HTRA4: variants seen among roughly 807,000 people sequenced by gnomAD.
HTRA4 encodes the protein serine protease HTRA4.
Under a neutral mutation model 49.1 loss-of-function variants are expected in HTRA4, and 46 were observed. The observed-to-expected ratio is 0.94, with a 90% CI of 0.74 to 1.20. The LOEUF (loss-of-function observed/expected upper bound fraction) is 1.20. Among genes scored for constraint, HTRA4 ranks in the 50% most tolerant of loss-of-function variants. The pLI, the probability that HTRA4 is intolerant of heterozygous loss-of-function variation, is 0.00. For synonymous variants in HTRA4, 261 were observed against 264.0 expected, an observed-to-expected ratio of 0.99 and a Z score of 0.11; for missense variants, 602 against 636.9, an observed-to-expected ratio of 0.95 and a Z score of 0.59.
chr8:38,985,666 TC>T (rs762664714), intron 8 of HTRA4, among the ~76,000 whole-genome samples: 3 of 152,126 alleles, frequency 2.0e-5, no homozygotes, highest in Non-Finnish European at 4.4e-5. Flanking sequence ...GCTCCACTCT[TC>T]CCCCATTTCC....
intron 8 of HTRA4, 31 bp downstream of exon 8, chr8:38,983,079 C>G: frequency 1.4e-6 from 2 of 1,462,028 alleles, no homozygotes; most frequent in South Asian, 1.2e-5. Flanking sequence ...TGTCATCTAC[C>G]TTTGCTTTTT....
intron 5 of HTRA4, among the ~76,000 whole-genome samples, chr8:38,980,573 CAA>C (rs151157713): frequency 1.5e-4 from 20 of 137,756 alleles, no homozygotes; most frequent in African/African-American, 3.5e-4. Context: ...ACCTAACATA[CAA>C]AAAAAAAAAA....
intron 3 of HTRA4, among the ~76,000 whole-genome samples, chr8:38,977,538 GCACATTA>G (rs1835368408): frequency 6.6e-6 from 1 of 152,160 alleles, no homozygotes; most frequent in African/African-American, 2.4e-5. Context: ...TGATTTGCAT[GCACATTA>G]CAGTGTGAGA....
At chr8:38,981,077 T>TTTTTGTTTTTTTTTG (rs1564179018) in intron 5 of HTRA4, among the ~76,000 whole-genome samples, 1 of 105,168 alleles carries the variant, frequency 9.5e-6, no homozygotes, top group Non-Finnish European at 1.8e-5. Flanking sequence ...TTTTTTTTTT[T>TTTTTGTTTTTTTTTG]TTTTTTTTTT....
intron 7 of HTRA4, 91 bp downstream of exon 7, chr8:38,982,646 C>G (rs891546812): frequency 1.4e-5 from 17 of 1,204,770 alleles, no homozygotes; most frequent in Middle Eastern, 3.9e-4. Flanking sequence ...CCACTTGGAC[C>G]ACAGCCAGGT....
chr8:38,985,320 G>C (rs12676405), intron 8 of HTRA4, among the ~76,000 whole-genome samples: 61,460 of 151,898 alleles, frequency 0.4, 13,065 homozygotes, highest in East Asian at 0.75. Context: ...GCCACCACGC[G>C]CAGCTAATTT....
chr8:38,980,529 A>G (rs1190189803), intron 5 of HTRA4, among the ~76,000 whole-genome samples: 1 of 150,616 alleles, frequency 6.6e-6, no homozygotes, highest in Non-Finnish European at 1.5e-5. Context: ...GGAGTTCAAA[A>G]CCAGCCTGGC....
At chr8:38,979,020 G>A (rs1444604193) in intron 4 of HTRA4, among the ~76,000 whole-genome samples, 195 bp from the exon 5 acceptor site, 2 of 151,574 alleles carry the variant, frequency 1.3e-5, no homozygotes, top group African/African-American at 4.8e-5. Context: ...AATGAAGGTG[G>A]TGGTCCCACT....
At chr8:38,977,832 G>A in intron 3 of HTRA4, 121 bp from the exon 4 acceptor site, 2 of 969,542 alleles carry the variant, frequency 2.1e-6, no homozygotes, top group Non-Finnish European at 3.0e-6. Context: ...TTCTCAGGTG[G>A]TAAGGGCCAA....
intron 8 of HTRA4, among the ~76,000 whole-genome samples, chr8:38,987,498 G>A (rs1835497545): frequency 6.6e-6 from 1 of 152,094 alleles, no homozygotes; most frequent in South Asian, 2.1e-4. Context: ...GGGAAAGACA[G>A]GCAAGTGAGT....
In HTRA4 at chr8:38,974,624, C is replaced by T; in HGVS notation, c.361C>T (p.Arg121Cys). 3 of 1,426,148 alleles carry T rather than the reference C, an allele frequency of 2.1e-6. No homozygotes were observed. The highest frequency in any genetic ancestry group is 3.0e-5 in the Admixed American group (1 of 33,508). The allele number at this position is 1,426,148 out of a possible 1,614,324, so 88.3% of individuals were successfully genotyped here. ...LGGAVCGSDR[R>C]TYPSMCALRA... ...AGGGGCCGTGTGCGGCAGCGACAGGCGCACCTACCCCAGCATGTGCGCGCT... is the reference window on the plus strand; with the variant it reads ...AGGGGCCGTGTGCGGCAGCGACAGGTGCACCTACCCCAGCATGTGCGCGCT... The change falls in exon 1 of 9, where the codon CGC becomes TGC. Residue 121 changes from arginine (R) to cysteine (C), a missense_variant. Arg to Cys is a radical substitution (Grantham distance 180, BLOSUM62 -3). Transcript: ENST00000302495.
Position 38,988,188 on chromosome 8 carries a change from A to T in HTRA4, c.*90A>T. 1 of 1,222,910 alleles carries T rather than the reference A, an allele frequency of 8.2e-7. No individual in the cohort carries two copies. Among genetic ancestry groups the T allele is most frequent in the Admixed American group, 3.1e-5 (1 of 31,794 alleles). The allele number at this position is 1,222,910 out of a possible 1,614,324, so 75.8% of individuals were successfully genotyped here. A position where few individuals can be genotyped will look rare whatever the true frequency, so the allele number is the denominator to read the frequency against. Reference sequence around the variant, plus strand: ...TGGAGATGTGCCAAACATGGCAAGAAGTTTTTGGATCTTTTTCTTACAAAG... The same window carrying T: ...TGGAGATGTGCCAAACATGGCAAGATGTTTTTGGATCTTTTTCTTACAAAG... On this transcript the variant is annotated 3_prime_UTR_variant, in exon 9 of 9. Coordinates refer to ENST00000302495, the MANE Select transcript of HTRA4 (RefSeq NM_153692.4).
At position 38,974,380 on chromosome 8, in the gene HTRA4, C is replaced by T; in HGVS notation, c.117C>T (p.Ser39=). 1 of 1,583,318 alleles carries T rather than the reference C, an allele frequency of 6.3e-7. No homozygotes were observed. The highest frequency in any genetic ancestry group is 1.3e-5 in the African/African-American group (1 of 74,516). Residue 39 remains serine (S), a synonymous_variant, in exon 1 of 9, where the codon TCC becomes TCT. Coordinates refer to ENST00000302495, the MANE Select transcript of HTRA4 (RefSeq NM_153692.4). ...AGAEKLHTQP[S]CPAVCQPTRC... is the part of the protein sequence containing the mutation. The stretch of plus-strand genomic sequence containing the variant: ...CTGAAAAGCTACATACCCAGCCCTC[C>T]TGCCCCGCGGTCTGCCAGCCCACGC...
chr8:38,974,617 C>A lies in HTRA4; in HGVS notation c.354C>A (p.Ser118Arg), dbSNP rs556082717. The A allele has an allele frequency of 6.3e-6, 9 of 1,425,944 alleles. No individual in the cohort carries two copies. Among genetic ancestry groups the A allele is most frequent in the Non-Finnish European group, 6.4e-6 (7 of 1,096,958 alleles). 88.3% of individuals were successfully genotyped at this position (1,425,944 alleles called of 1,614,324 possible). The change falls in exon 1 of 9, where the codon AGC becomes AGA. Residue 118 changes from serine (S) to arginine (R), a missense_variant. Ser to Arg is a moderately radical substitution (Grantham distance 110). Transcript: ENST00000302495. Reference sequence around the variant, plus strand: ...CGCTGGGAGGGGCCGTGTGCGGCAGCGACAGGCGCACCTACCCCAGCATGT... The same window carrying A: ...CGCTGGGAGGGGCCGTGTGCGGCAGAGACAGGCGCACCTACCCCAGCATGT... Reference protein sequence around the residue: ...CPTLGGAVCGSDRRTYPSMCA... With the variant: ...CPTLGGAVCGRDRRTYPSMCA...
rs145456627 is a variant in HTRA4, at chr8:38,979,631, C to T, written c.999+384C>T. 1.9e-3 allele frequency among the ~76,000 whole-genome samples: 289 copies of T among 152,140 alleles called. 1 individual carries two copies. The highest frequency in any genetic ancestry group is 6.7e-3 in the African/African-American group (276 of 41,494). On this transcript the variant is annotated intron_variant, in intron 5 of 8. Coordinates refer to ENST00000302495, the MANE Select transcript of HTRA4 (RefSeq NM_153692.4). ...CTTCCTTTGAAATTTCTCTCTTCCC[C>T]GTGCTTTCTGTTTTCATTGGCTAGT...
chr8:38,976,429 T>C, intron 2 of HTRA4, 106 bp from the exon 3 acceptor site: 1 of 1,027,358 alleles, frequency 9.7e-7, no homozygotes, highest in Non-Finnish European at 1.5e-6. Flanking sequence ...AAGAAAACTA[T>C]GATGGAGGTA....
rs919078381 is a variant in HTRA4, at chr8:38,987,970, A to G, written c.1303A>G (p.Ile435Val). 5.0e-6 allele frequency: 8 copies of G among 1,606,180 alleles called. No homozygotes were observed. Among genetic ancestry groups the G allele is most frequent in the Admixed American group, 1.7e-5 (1 of 57,946 alleles). The change falls in exon 9 of 9, where the codon ATA becomes GTA. Residue 435 changes from isoleucine (I) to valine (V), a missense_variant. Coordinates refer to ENST00000302495, the MANE Select transcript of HTRA4 (RefSeq NM_153692.4). ...GAGAGATCACGATGTAATTGTCAACATAAATGGGAAACCTATTACTACTAC... is the reference window on the plus strand; with the variant it reads ...GAGAGATCACGATGTAATTGTCAACGTAAATGGGAAACCTATTACTACTAC... Reference protein sequence around the residue: ...GLRDHDVIVNINGKPITTTTD... With the variant: ...GLRDHDVIVNVNGKPITTTTD...
At chr8:38,975,988 C>T (rs761264842) in intron 2 of HTRA4, among the ~76,000 whole-genome samples, 271 of 152,272 alleles carry the variant, frequency 1.8e-3, no homozygotes, top group Non-Finnish European at 3.5e-3. Flanking sequence ...AAGCAGTGTC[C>T]CTGGAAAAGG....
intron 5 of HTRA4, among the ~76,000 whole-genome samples, chr8:38,979,485 G>A (rs546212713): frequency 1.3e-5 from 2 of 152,266 alleles, no homozygotes; most frequent in East Asian, 3.9e-4. Context: ...CTCTTGTGTA[G>A]AGAGCTGTGG....
Sources: gnomAD v4.1 joint callset for allele counts (sites outside exome capture counted in the v4.1 genomes callset) on GRCh38, gnomAD v4.1.1 for gene constraint, MANE v1.5 for transcripts, NCBI Gene and HGNC (gene_info 2026-07-23, HGNC 2026-07-21) for gene names.